SPIRE1: variants seen among roughly 807,000 people sequenced by gnomAD.
SPIRE1 encodes spire type actin nucleation factor 1, also known as protein spire homolog 1.
Under a neutral mutation model 94.1 loss-of-function variants are expected in SPIRE1, and 40 were observed. The observed-to-expected ratio is 0.43, with a 90% confidence interval of 0.33 to 0.55. The LOEUF is 0.55. Ranked by LOEUF, SPIRE1 falls within the 20% of genes least tolerant of loss-of-function variation. The pLI, the probability that SPIRE1 is intolerant of heterozygous loss-of-function variation, is 0.06. For missense variants in SPIRE1, 838 were observed against 975.2 expected (o/e 0.86, Z 1.87); for synonymous variants, 376 against 371.7 (o/e 1.01, Z -0.13).
chr18:12,613,225 C>T (rs1183016267), intron 2 of SPIRE1, among the ~76,000 whole-genome samples: 4 of 152,148 alleles, frequency 2.6e-5, no homozygotes, highest in Non-Finnish European at 5.9e-5. Flanking sequence ...ACTAAGGTGC[C>T]ACTGAAATCT....
rs1190406637 is a variant in SPIRE1, at chr18:12,446,838, T to C, written c.*2800A>G. The C allele has an allele frequency of 1.3e-5, 2 of 152,246 alleles. No individual in the cohort carries two copies. The highest frequency in any genetic ancestry group is 2.4e-5 in the African/African-American group (1 of 41,462). The allele number at this position is 152,246 out of a possible 1,614,324, so 9.4% of individuals were successfully genotyped here. A position where few individuals can be genotyped will look rare whatever the true frequency, so the allele number is the denominator to read the frequency against. Reference sequence around the variant, plus strand: ...TCATAGTACGAGTTCATGGTGCTAATAACAGAATCTCTTTAAACATAAGAT... The same window carrying C: ...TCATAGTACGAGTTCATGGTGCTAACAACAGAATCTCTTTAAACATAAGAT... On this transcript the variant is annotated 3_prime_UTR_variant, in exon 17 of 17. Coordinates refer to ENST00000409402, the MANE Select transcript of SPIRE1 (RefSeq NM_001128626.2).
intron 1 of SPIRE1, among the ~76,000 whole-genome samples, 198 bp downstream of exon 1, chr18:12,657,332 T>G (rs764907919): frequency 1.1e-3 from 171 of 149,686 alleles, no homozygotes; most frequent in Non-Finnish European, 2.2e-3. Flanking sequence ...GCCACGAGGC[T>G]CTGACCTCCG....
intron 10 of SPIRE1, among the ~76,000 whole-genome samples, chr18:12,473,864 A>G (rs975296506): frequency 6.6e-6 from 1 of 152,268 alleles, no homozygotes; most frequent in Non-Finnish European, 1.5e-5. Context: ...TTTCTGGTGG[A>G]TGTCATCAAA....
At chr18:12,609,558 C>T (rs1255637792) in intron 2 of SPIRE1, among the ~76,000 whole-genome samples, 1 of 152,186 alleles carries the variant, frequency 6.6e-6, no homozygotes, top group Non-Finnish European at 1.5e-5. Flanking sequence ...TCTTCTCTTG[C>T]TACAAGCTAG....
intron 12 of SPIRE1, chr18:12,459,740 C>A: frequency 1.0e-6 from 1 of 985,754 alleles, no homozygotes; most frequent in Non-Finnish European, 1.2e-6. Context: ...CCAGACCCAG[C>A]AGAAAGAGGC....
At chr18:12,661,752 G>A (rs970050698), upstream of SPIRE1, 2 of 153,896 alleles carry the variant, frequency 1.3e-5, no homozygotes, top group African/African-American at 4.8e-5. Context: ...TCCAGCCAGG[G>A]TGACAGAGTG....
chr18:12,624,831 C>CAAAAAAA (rs71371282), intron 2 of SPIRE1, among the ~76,000 whole-genome samples: 1 of 132,916 alleles, frequency 7.5e-6, no homozygotes, highest in African/African-American at 2.9e-5. Context: ...GACTCCATCT[C>CAAAAAAA]AAAAAAAAAA....
chr18:12,632,954 A>G (rs1399690194), intron 2 of SPIRE1, among the ~76,000 whole-genome samples: 1 of 152,230 alleles, frequency 6.6e-6, no homozygotes, highest in East Asian at 1.9e-4. Context: ...AATGCTGACT[A>G]TATTTGTATC....
intron 9 of SPIRE1, 76 bp from the exon 10 acceptor site, chr18:12,479,947 A>G (rs552948597): frequency 1.4e-6 from 2 of 1,395,774 alleles, no homozygotes; most frequent in Admixed American, 4.4e-5. Flanking sequence ...CAGGTAACAG[A>G]GCATTTCATA....
At chr18:12,533,260 G>T in intron 4 of SPIRE1, among the ~76,000 whole-genome samples, 1 of 152,316 alleles carries the variant, frequency 6.6e-6, no homozygotes, top group East Asian at 1.9e-4. Context: ...GCCCAACCTC[G>T]GTCAGCCTGG....
chr18:12,577,261 C>T (rs991606728), intron 2 of SPIRE1, among the ~76,000 whole-genome samples: 1 of 152,084 alleles, frequency 6.6e-6, no homozygotes, highest in African/African-American at 2.4e-5. Context: ...CATTCTCCTG[C>T]CTCAGCCTCC....
chr18:12,511,800 C>T (rs2034042523), intron 5 of SPIRE1, among the ~76,000 whole-genome samples: 1 of 152,146 alleles, frequency 6.6e-6, no homozygotes, highest in Non-Finnish European at 1.5e-5. Flanking sequence ...TCATAGTTCA[C>T]TGCAGCCTCA....
At chr18:12,481,052 C>T (rs773277180) in intron 9 of SPIRE1, among the ~76,000 whole-genome samples, 12 of 152,120 alleles carry the variant, frequency 7.9e-5, no homozygotes, top group Admixed American at 2.6e-4. Flanking sequence ...GAATGTGGCC[C>T]GGCATGGTGG....
intron 2 of SPIRE1, among the ~76,000 whole-genome samples, chr18:12,611,740 T>G (rs1387723703): frequency 6.6e-6 from 1 of 152,170 alleles, no homozygotes; most frequent in East Asian, 1.9e-4. Flanking sequence ...CATGGCTCAC[T>G]CAGCCTCAAC....
At chr18:12,451,402 C>T (rs1293896523) in intron 16 of SPIRE1, among the ~76,000 whole-genome samples, 2 of 152,078 alleles carry the variant, frequency 1.3e-5, no homozygotes, top group Non-Finnish European at 2.9e-5. Flanking sequence ...CTGAGATAAC[C>T]AGGAATCATC....
At chr18:12,509,963 T>C (rs993058930) in intron 5 of SPIRE1, among the ~76,000 whole-genome samples, 3 of 151,822 alleles carry the variant, frequency 2.0e-5, no homozygotes, top group African/African-American at 7.3e-5. Context: ...TGCGCACCTG[T>C]AATCCCAGCT....
At chr18:12,525,302 T>A (rs868578067) in intron 4 of SPIRE1, among the ~76,000 whole-genome samples, 1,556 of 119,302 alleles carry the variant, frequency 0.013, 10 homozygotes, top group Non-Finnish European at 0.016. Context: ...AAAAAAATAA[T>A]AATAATAATA....
At chr18:12,526,270 G>C (rs984030569) in intron 4 of SPIRE1, among the ~76,000 whole-genome samples, 1 of 152,084 alleles carries the variant, frequency 6.6e-6, no homozygotes, top group Non-Finnish European at 1.5e-5. Context: ...TACCTTGCTT[G>C]CTCTCATCTC....
At chr18:12,554,324 T>C (rs903310314) in intron 2 of SPIRE1, among the ~76,000 whole-genome samples, 5 of 143,446 alleles carry the variant, frequency 3.5e-5, no homozygotes, top group Non-Finnish European at 7.6e-5. Context: ...AAAGAACTGA[T>C]ACCCCAGAAA....
Sources: allele counts gnomAD v4.1 joint callset (sites outside exome capture counted in the v4.1 genomes callset), GRCh38; gene constraint gnomAD v4.1.1; transcripts MANE v1.5; gene names NCBI Gene and HGNC (gene_info 2026-07-23, HGNC 2026-07-21).